IDO2: variants seen among roughly 807,000 people sequenced by gnomAD.
IDO2 encodes the protein indoleamine 2,3-dioxygenase 2, also known as indoleamine 2,3-dioxygenase-like 1 protein.
A neutral mutation model predicts 45.1 loss-of-function variants in IDO2; 46 were observed. The observed-to-expected ratio is 1.02, with a 90% CI of 0.80 to 1.30. IDO2 has a LOEUF of 1.30. Ranked by LOEUF, IDO2 falls within the 50% of genes most tolerant of loss-of-function variation. The pLI, the probability that IDO2 is intolerant of heterozygous loss-of-function variation, is 0.00. For synonymous variants in IDO2, 218 were observed against 184.9 expected (o/e 1.18, Z -1.45); for missense variants, 544 against 491.8 (o/e 1.11, Z -1.00).
intron 2 of IDO2, among the ~76,000 whole-genome samples, chr8:39,953,617 C>T (rs1057377537): frequency 1.3e-5 from 2 of 152,136 alleles, no homozygotes; most frequent in African/African-American, 2.4e-5. Context: ...GGCTAGAGTG[C>T]AGTGACGCCA....
chr8:40,014,753 T>C (rs1204105409), intron 10 of IDO2, among the ~76,000 whole-genome samples: 1 of 152,206 alleles, frequency 6.6e-6, no homozygotes, highest in Non-Finnish European at 1.5e-5. Context: ...TCCTGTCAAC[T>C]GTTAGAAATA....
In IDO2 at chr8:39,982,636, G is replaced by C; in HGVS notation, c.316-16G>C. ...CTTTCTAGAATATGCTATTTGTCTG[G>C]ATTTATATCTGAAAGGTCCTGCCAA... On this transcript the variant is annotated splice_polypyrimidine_tract_variant and intron_variant, in intron 4 of 10. Coordinates refer to ENST00000502986, the Ensembl canonical transcript of IDO2. 1.3e-6 allele frequency: 2 copies of C among 1,523,416 alleles called. No individual in the cohort carries two copies. Among genetic ancestry groups the C allele is most frequent in the Non-Finnish European group, 1.8e-6 (2 of 1,109,244 alleles). 94.4% of individuals were successfully genotyped at this position (1,523,416 alleles called of 1,614,324 possible). A position where few individuals can be genotyped will look rare whatever the true frequency, so the allele number is the denominator to read the frequency against.
chr8:39,946,539 A>G (rs1807733977), intron 1 of IDO2, among the ~76,000 whole-genome samples: 5 of 152,154 alleles, frequency 3.3e-5, no homozygotes, highest in African/African-American at 1.2e-4. Context: ...CCTGGGAGGC[A>G]GAGGTTACAG....
rs914528233 is a variant in IDO2 at position 39,974,922 on chromosome 8, C to A, written c.196-4145C>A. ...GTGACCTGGTGACAGAGCGAGACTC[C>A]GTCTAAAAACAAAACAAAACAAAAC... is the stretch of plus-strand genomic sequence containing the variant. On this transcript the variant is annotated intron_variant, in intron 3 of 10. Transcript: ENST00000502986. Among the ~76,000 whole-genome samples the A allele has an allele frequency of 8.0e-5, 12 of 150,020 alleles. No individual in the cohort carries two copies. In the Admixed American group the frequency reaches 8.3e-4, roughly 10 times the overall value.
intron 1 of IDO2, among the ~76,000 whole-genome samples, chr8:39,945,172 A>T (rs1807711405): frequency 6.6e-6 from 1 of 152,278 alleles, no homozygotes. Context: ...TCTGGGAAGC[A>T]TTGCCTCTGG....
chr8:40,005,501 C>G, intron 9 of IDO2, 123 bp downstream of exon 9: 1 of 512,754 alleles, frequency 2.0e-6, no homozygotes, highest in Admixed American at 3.7e-5. Flanking sequence ...TGCTAGGGAT[C>G]CACTCTCAGG....
At chr8:39,949,322 G>A (rs1455814707) in intron 2 of IDO2, 58 bp downstream of exon 2, 1 of 1,374,694 alleles carries the variant, frequency 7.3e-7, no homozygotes, top group African/African-American at 1.5e-5. Flanking sequence ...ATGTTGGTTG[G>A]TTTGTTTTTT....
At chr8:39,990,919 A>G (rs939015199) in intron 8 of IDO2, among the ~76,000 whole-genome samples, 2 of 152,180 alleles carry the variant, frequency 1.3e-5, no homozygotes, top group Non-Finnish European at 1.5e-5. Flanking sequence ...AATCTGAAGA[A>G]TGTATGTGTT....
intron 9 of IDO2, among the ~76,000 whole-genome samples, chr8:40,007,235 CA>C (rs1203450304): frequency 6.6e-6 from 1 of 151,754 alleles, no homozygotes; most frequent in African/African-American, 2.4e-5. Flanking sequence ...CTGGATACAG[CA>C]AGAGACATGC....
intron 1 of IDO2, among the ~76,000 whole-genome samples, chr8:39,946,251 A>T (rs1807727567): frequency 6.6e-6 from 1 of 152,074 alleles, no homozygotes; most frequent in Admixed American, 6.6e-5. Context: ...ACTCTCTATG[A>T]TTTCATCTCT....
chr8:39,973,732 G>GGT (rs1808215535), intron 3 of IDO2, among the ~76,000 whole-genome samples: 1 of 147,230 alleles, frequency 6.8e-6, no homozygotes, highest in Non-Finnish European at 1.5e-5. Context: ...GTTTTCTTGT[G>GGT]TTTCGTTTTC....
chr8:39,973,472 T>C (rs1383523710), intron 3 of IDO2, among the ~76,000 whole-genome samples: 1 of 151,876 alleles, frequency 6.6e-6, no homozygotes, highest in Non-Finnish European at 1.5e-5. Context: ...GAAAGGAAAC[T>C]GTAAGTATGT....
intron 3 of IDO2, among the ~76,000 whole-genome samples, chr8:39,968,039 C>T (rs1317442104): frequency 6.7e-6 from 1 of 149,280 alleles, no homozygotes; most frequent in Non-Finnish European, 1.5e-5. Flanking sequence ...GAAAAAAAAT[C>T]CATATATGAA....
intron 3 of IDO2, among the ~76,000 whole-genome samples, chr8:39,975,003 G>A (rs1198421852): frequency 6.6e-6 from 1 of 152,010 alleles, no homozygotes; most frequent in Admixed American, 6.6e-5. Flanking sequence ...CAGCTACTTG[G>A]GAGGCTGAGG....
exon 7 of IDO2, chr8:39,987,946 G>A: frequency 6.2e-7 from 1 of 1,608,022 alleles, no homozygotes; most frequent in Non-Finnish European, 8.5e-7. Context: ...CTTTGGTAGA[G>A]AAAGAAGCAG....
At position 39,953,060 on chromosome 8, in the gene IDO2, G is replaced by T. The variant is rs10108429; in HGVS notation, c.99+3796G>T. On this transcript the variant is annotated intron_variant, in intron 2 of 10. Transcript: ENST00000502986. ...AAGGATTACAGCCATGAACCACTGC[G>T]CCTGGCCTAATTTTTGTATTTTTAG... 8.9e-3 allele frequency among the ~76,000 whole-genome samples: 1,347 copies of T among 151,962 alleles called. 23 individuals carry two copies. The highest frequency in any genetic ancestry group is 0.031 in the African/African-American group (1,283 of 41,420).
intron 3 of IDO2, among the ~76,000 whole-genome samples, chr8:39,967,597 C>T (rs779612480): frequency 4.6e-5 from 7 of 152,214 alleles, no homozygotes; most frequent in Non-Finnish European, 1.0e-4. Flanking sequence ...AAGCAATTGT[C>T]CTGCCTCAGC....
At chr8:40,015,968 A>AAAG in exon 11 of IDO2, 1 of 372,490 alleles carries the variant, frequency 2.7e-6, no homozygotes. Flanking sequence ...ATTTTCTTAA[A>AAAG]AAACAAATTC....
At chr8:39,982,677 C>T (rs1808371700) in exon 5 of IDO2, 4 of 1,610,566 alleles carry the variant, frequency 2.5e-6, no homozygotes, top group Non-Finnish European at 3.4e-6. Context: ...CTTGCCCTTC[C>T]ATTTGTCGAA....
Sources: gnomAD v4.1 joint callset for allele counts (sites outside exome capture counted in the v4.1 genomes callset) on GRCh38, gnomAD v4.1.1 for gene constraint, MANE v1.5 for transcripts, NCBI Gene and HGNC (gene_info 2026-07-23, HGNC 2026-07-21) for gene names.